The following PKP2 variants were observed in gnomAD, a reference collection of about 807,000 sequenced individuals.
PKP2 encodes plakophilin 2, also known as plakophilin-2.
In PKP2, 73 loss-of-function variants were observed where a neutral mutation model predicts 83.4. The ratio of observed to expected loss-of-function variants is 0.88; its 90% CI spans 0.72 to 1.06. The LOEUF is 1.06. Ranked by LOEUF, PKP2 falls within the 50% of genes least tolerant of loss-of-function variation. PKP2 has a pLI of 0.00. For missense variants in PKP2, 966 were observed against 1,065.4 expected, an observed-to-expected ratio of 0.91 and a Z score of 1.30; for synonymous variants, 409 against 430.4, an observed-to-expected ratio of 0.95 and a Z score of 0.62.
rs549598534 is a variant in PKP2, at chr12:32,896,577, T to C, written c.155A>G (p.Lys52Arg). 8 of 1,590,890 alleles carry C rather than the reference T, an allele frequency of 5.0e-6. No individual in the cohort carries two copies. The East Asian group carries it at 9.0e-5, about 18-fold the overall frequency. Residue 52 changes from lysine (K) to arginine (R), a missense_variant, in exon 1 of 13, where the codon AAG (lysine) becomes AGG (arginine). Physicochemically the swap from Lys to Arg is conservative, Grantham distance 26. Transcript: ENST00000340811. ...GSSGRGGQTV[K>R]SLRIQEQVQQ... ...CACCTGCTCCTGGATCCGCAGGCTC[T>C]TGACTGTCTGGCCGCCGCGGCCGCT...
chr12:32,877,630 A>G (rs1956942391), intron 3 of PKP2, among the ~76,000 whole-genome samples: 1 of 152,230 alleles, frequency 6.6e-6, no homozygotes, highest in South Asian at 2.1e-4. Context: ...TCACATTTCC[A>G]TACAAAGCTG....
In PKP2 at chr12:32,836,059, C is replaced by T. The variant is rs529463827; in HGVS notation, c.1556+4969G>A. On this transcript the variant is annotated intron_variant, in intron 6 of 12. Transcript: ENST00000340811. ...GCCAAGAATCACTCTCACTTGCTGG[C>T]TCCAACACACTGGAGTGTACAATTT... Among the ~76,000 whole-genome samples the T allele has an allele frequency of 3.3e-4, 51 of 152,358 alleles. No homozygotes were observed. In the South Asian group the frequency reaches 0.011, roughly 32 times the overall value.
rs77795120 is a variant in PKP2 at position 32,845,764 on chromosome 12, C to A, written c.1379-4559G>T. ...AAGAAAGAAAACTGGTTCTTTTTAA[C>A]CGTGTTTTTCAAAGTGGTCAAAGAG... is the stretch of plus-strand genomic sequence containing the variant. On this transcript the variant is annotated intron_variant, in intron 5 of 12. Coordinates refer to ENST00000340811, the MANE Select transcript of PKP2 (RefSeq NM_001005242.3). Among the ~76,000 whole-genome samples the A allele has an allele frequency of 9.1e-3, 1,383 of 152,138 alleles. 55 individuals carry two copies. In the East Asian group the frequency reaches 0.11, roughly 12 times the overall value.
In PKP2 at chr12:32,843,254, T is replaced by C. The variant is rs727505257; in HGVS notation, c.1379-2049A>G. On this transcript the variant is annotated intron_variant, in intron 5 of 12. Coordinates refer to ENST00000340811, the MANE Select transcript of PKP2 (RefSeq NM_001005242.3). ...CCTTGGCCTCCCAAAGTGCTGGGAT[T>C]ACAGGCGTGAGCCACCGCGCCCGGC... 3 of 1,156,048 alleles carry C rather than the reference T, an allele frequency of 2.6e-6. No homozygotes were observed. The highest frequency in any genetic ancestry group is 4.8e-5 in the East Asian group (1 of 21,014). The allele number at this position is 1,156,048 out of a possible 1,614,324, so 71.6% of individuals were successfully genotyped here.
At chr12:32,887,838 G>C (rs1218634296) in intron 1 of PKP2, among the ~76,000 whole-genome samples, 1 of 152,192 alleles carries the variant, frequency 6.6e-6, no homozygotes, top group Non-Finnish European at 1.5e-5. Flanking sequence ...TGGTAATTTA[G>C]CATCCTGGTG....
intron 9 of PKP2, among the ~76,000 whole-genome samples, chr12:32,807,791 TAGTTTGGCTGA>T (rs756900196): frequency 3.3e-5 from 5 of 152,174 alleles, no homozygotes; most frequent in Non-Finnish European, 7.3e-5. Flanking sequence ...TTATGAAGGT[TAGTTTGGCTGA>T]AAATGAAATT....
chr12:32,888,676 A>G (rs1268788873), intron 1 of PKP2, among the ~76,000 whole-genome samples: 3 of 151,982 alleles, frequency 2.0e-5, no homozygotes, highest in African/African-American at 4.8e-5. Flanking sequence ...TACTTTTAGT[A>G]GAGACAGGGT....
At chr12:32,879,904 C>T (rs1268631694) in intron 1 of PKP2, among the ~76,000 whole-genome samples, 1 of 150,072 alleles carries the variant, frequency 6.7e-6, no homozygotes, top group Non-Finnish European at 1.5e-5. Flanking sequence ...AGGAAATTCA[C>T]AAAAATCTAA....
chr12:32,839,877 G>A (rs1452636974), intron 6 of PKP2, among the ~76,000 whole-genome samples: 1 of 152,320 alleles, frequency 6.6e-6, no homozygotes, highest in Non-Finnish European at 1.5e-5. Context: ...CACTTCTTAT[G>A]CCTTTCAAGA....
At position 32,792,385 on chromosome 12, in the gene PKP2, T is replaced by C. The variant is rs192293307; in HGVS notation, c.*39A>G. The C allele has an allele frequency of 1.6e-5, 24 of 1,484,972 alleles. No homozygotes were observed. The East Asian group carries it at 1.8e-4, about 11-fold the overall frequency. The allele number at this position is 1,484,972 out of a possible 1,614,324, so 92.0% of individuals were successfully genotyped here. Reference sequence around the variant, plus strand: ...GTAGTAGAAAAATAGGTGTTTTCCTTTGGGGATTTTTGCAGCCGAGAATAC... The same window carrying C: ...GTAGTAGAAAAATAGGTGTTTTCCTCTGGGGATTTTTGCAGCCGAGAATAC... On this transcript the variant is annotated 3_prime_UTR_variant, in exon 13 of 13. Coordinates refer to ENST00000340811, the MANE Select transcript of PKP2 (RefSeq NM_001005242.3).
intron 6 of PKP2, among the ~76,000 whole-genome samples, chr12:32,828,274 C>CCT (rs1956461901): frequency 1.3e-5 from 2 of 152,136 alleles, no homozygotes; most frequent in African/African-American, 4.8e-5. Flanking sequence ...CCCTCTAGGA[C>CCT]CTCTTATCTC....
chr12:32,830,967 C>T (rs186797771), intron 6 of PKP2, among the ~76,000 whole-genome samples: 1 of 152,000 alleles, frequency 6.6e-6, no homozygotes, highest in African/African-American at 2.4e-5. Context: ...CAAAAGCATT[C>T]TGAATAGTTA....
At chr12:32,875,111 A>C (rs1956921420) in intron 3 of PKP2, among the ~76,000 whole-genome samples, 1 of 152,210 alleles carries the variant, frequency 6.6e-6, no homozygotes. Flanking sequence ...TGAGAATATA[A>C]AGATGATTGA....
intron 5 of PKP2, among the ~76,000 whole-genome samples, chr12:32,850,376 A>G (rs1956684925): frequency 6.6e-6 from 1 of 152,092 alleles, no homozygotes; most frequent in Non-Finnish European, 1.5e-5. Context: ...ACATGGTGAA[A>G]CTAAACTTTA....
At chr12:32,806,240 G>A (rs944287721) in intron 9 of PKP2, among the ~76,000 whole-genome samples, 1 of 152,152 alleles carries the variant, frequency 6.6e-6, no homozygotes, top group African/African-American at 2.4e-5. Context: ...ATCAGTTAGG[G>A]AGGAGTCCCT....
Position 32,824,319 on chromosome 12 carries a change from T to C in PKP2, c.1557-157A>G, listed in dbSNP as rs988283666. On this transcript the variant is annotated intron_variant, in intron 6 of 12. Transcript: ENST00000340811. ...GCCCAGTCAACAAATCATTGACTGCTTAATAGATCAACTATGAACATACTT... is the reference window on the plus strand; with the variant it reads ...GCCCAGTCAACAAATCATTGACTGCCTAATAGATCAACTATGAACATACTT... The C allele has an allele frequency of 3.3e-5, 22 of 673,040 alleles. 1 individual carries two copies. The Admixed American group carries it at 3.9e-4, about 12-fold the overall frequency. The allele number at this position is 673,040 out of a possible 1,614,324, so 41.7% of individuals were successfully genotyped here. A position where few individuals can be genotyped will look rare whatever the true frequency, so the allele number is the denominator to read the frequency against.
chr12:32,793,584 T>G lies in PKP2; in HGVS notation c.2358-853A>C, dbSNP rs150458526. ...CTATAAATCAAAGTCACCACTGCAT[T>G]TGAACTGTACTTAGTCTTTCATATT... On this transcript the variant is annotated intron_variant, in intron 11 of 12. Coordinates refer to ENST00000340811, the MANE Select transcript of PKP2 (RefSeq NM_001005242.3). Among the ~76,000 whole-genome samples the G allele has an allele frequency of 1.2e-3, 184 of 151,228 alleles. 1 individual carries two copies. The highest frequency in any genetic ancestry group is 4.3e-3 in the African/African-American group (175 of 41,100).
chr12:32,803,180 G>A (rs1017512176), intron 9 of PKP2, among the ~76,000 whole-genome samples: 1 of 151,014 alleles, frequency 6.6e-6, no homozygotes, highest in Non-Finnish European at 1.5e-5. Flanking sequence ...GACCAGCCTG[G>A]CCAACATGGT....
At chr12:32,825,294 G>A (rs1323782977) in intron 6 of PKP2, among the ~76,000 whole-genome samples, 2 of 148,714 alleles carry the variant, frequency 1.3e-5, no homozygotes, top group Admixed American at 6.8e-5. Context: ...TCAGCCTCCC[G>A]AGTAGCTGGG....
Sources: allele counts gnomAD v4.1 joint callset (sites outside exome capture counted in the v4.1 genomes callset), GRCh38; gene constraint gnomAD v4.1.1; transcripts MANE v1.5; gene names NCBI Gene and HGNC (gene_info 2026-07-23, HGNC 2026-07-21).